Variants in NRG3 observed in about 807,000 individuals in gnomAD.
NRG3 encodes the protein neuregulin 3, also known as pro-neuregulin-3, membrane-bound isoform.
Under a neutral mutation model 66.9 loss-of-function variants are expected in NRG3, and 31 were observed. That is an observed-to-expected ratio of 0.46 (90% CI 0.35 to 0.63). The LOEUF (loss-of-function observed/expected upper bound fraction) is 0.63. Ranked by LOEUF, NRG3 falls within the 20% of genes least tolerant of loss-of-function variation. NRG3 has a pLI of 0.00. For synonymous variants in NRG3, 393 were observed against 359.4 expected, an observed-to-expected ratio of 1.09 and a Z score of -1.06; for missense variants, 910 against 878.9, an observed-to-expected ratio of 1.04 and a Z score of -0.45.
chr10:82,105,711 AT>A (rs1564567672), intron 1 of NRG3, among the ~76,000 whole-genome samples: 1 of 152,178 alleles, frequency 6.6e-6, no homozygotes, highest in Non-Finnish European at 1.5e-5. Flanking sequence ...TAATCTTACA[AT>A]TTGAGATATT....
chr10:82,606,220 G>C (rs2047952004), intron 2 of NRG3, among the ~76,000 whole-genome samples: 1 of 152,066 alleles, frequency 6.6e-6, no homozygotes, highest in African/African-American at 2.4e-5. Flanking sequence ...ATTTTGATAA[G>C]GTGAATTTTT....
chr10:82,458,302 G>A (rs1473373119), intron 2 of NRG3, among the ~76,000 whole-genome samples: 1 of 152,192 alleles, frequency 6.6e-6, no homozygotes, highest in Admixed American at 6.5e-5. Flanking sequence ...TCTAAGAAGA[G>A]TGTTTCCCTC....
At chr10:82,022,756 A>G (rs1227885096) in intron 1 of NRG3, among the ~76,000 whole-genome samples, 1 of 152,090 alleles carries the variant, frequency 6.6e-6, no homozygotes, top group East Asian at 1.9e-4. Context: ...CATTTGCAAC[A>G]TGCTGTAAGT....
At chr10:82,782,891 C>A (rs1337535774) in intron 3 of NRG3, among the ~76,000 whole-genome samples, 1 of 152,100 alleles carries the variant, frequency 6.6e-6, no homozygotes, top group Non-Finnish European at 1.5e-5. Context: ...CAAAGACGGG[C>A]AGAGACAAAA....
At chr10:82,323,584 T>C (rs1373727695) in intron 1 of NRG3, among the ~76,000 whole-genome samples, 1 of 151,902 alleles carries the variant, frequency 6.6e-6, no homozygotes, top group East Asian at 1.9e-4. Flanking sequence ...ATTCTTGTAG[T>C]GTCTTTGGTT....
intron 2 of NRG3, among the ~76,000 whole-genome samples, chr10:82,569,335 G>A (rs665994): frequency 0.085 from 12,851 of 151,794 alleles, 627 homozygotes; most frequent in East Asian, 0.15. Flanking sequence ...CTAACTAGCA[G>A]TATTACCTAG....
At chr10:82,083,267 A>T (rs1259765884) in intron 1 of NRG3, among the ~76,000 whole-genome samples, 1 of 151,930 alleles carries the variant, frequency 6.6e-6, no homozygotes, top group African/African-American at 2.4e-5. Flanking sequence ...TATTTATGAT[A>T]TAAATATATT....
intron 2 of NRG3, among the ~76,000 whole-genome samples, chr10:82,704,621 G>T (rs140914754): frequency 6.6e-6 from 1 of 152,036 alleles, no homozygotes; most frequent in East Asian, 1.9e-4. Context: ...TGACACTCCC[G>T]GTATTATTTA....
At chr10:82,745,878 G>A (rs1489127059) in intron 3 of NRG3, among the ~76,000 whole-genome samples, 3 of 152,038 alleles carry the variant, frequency 2.0e-5, no homozygotes, top group Admixed American at 2.0e-4. Context: ...GCATACATAT[G>A]TATTCATTTT....
At chr10:82,034,576 G>A (rs921868961) in intron 1 of NRG3, among the ~76,000 whole-genome samples, 9 of 152,056 alleles carry the variant, frequency 5.9e-5, no homozygotes, top group Admixed American at 4.6e-4. Context: ...TAGAGCTGAG[G>A]TGAGGGTAAG....
intron 3 of NRG3, among the ~76,000 whole-genome samples, chr10:82,811,867 A>C (rs1466312352): frequency 2.6e-5 from 4 of 152,188 alleles, no homozygotes; most frequent in Non-Finnish European, 5.9e-5. Context: ...GTCTTAATCC[A>C]TACTTCAGGG....
intron 1 of NRG3, chr10:82,232,410 C>G (rs565488962): frequency 5.3e-6 from 1 of 189,974 alleles, no homozygotes; most frequent in East Asian, 1.4e-4. Context: ...AAGAATATGA[C>G]AAAATCCTGT....
chr10:82,873,175 A>G (rs1841499833), intron 4 of NRG3, among the ~76,000 whole-genome samples: 1 of 152,138 alleles, frequency 6.6e-6, no homozygotes, highest in Non-Finnish European at 1.5e-5. Context: ...GCAAATACTG[A>G]TCTGCAATAC....
intron 1 of NRG3, among the ~76,000 whole-genome samples, chr10:82,076,962 T>C (rs1180335629): frequency 2.0e-5 from 3 of 152,256 alleles, no homozygotes; most frequent in African/African-American, 4.8e-5. Flanking sequence ...AAAAGGCATG[T>C]TGATACTGGA....
chr10:82,910,693 C>T (rs1425803621), intron 4 of NRG3, among the ~76,000 whole-genome samples: 3 of 152,224 alleles, frequency 2.0e-5, no homozygotes, highest in Non-Finnish European at 4.4e-5. Context: ...ATGTTTATGT[C>T]ATGTACTTTC....
chr10:82,277,505 T>C (rs2078913089), intron 1 of NRG3, among the ~76,000 whole-genome samples: 1 of 152,120 alleles, frequency 6.6e-6, no homozygotes, highest in East Asian at 1.9e-4. Flanking sequence ...GGGGGATAGA[T>C]AATAATAATC....
At chr10:82,647,367 G>A (rs1259340438) in intron 2 of NRG3, among the ~76,000 whole-genome samples, 1 of 152,132 alleles carries the variant, frequency 6.6e-6, no homozygotes, top group Non-Finnish European at 1.5e-5. Context: ...GTATTCCATG[G>A]TGTATATGTG....
At position 82,368,561 on chromosome 10, in the gene NRG3, G is replaced by T. The variant is rs530100235; in HGVS notation, c.953+9693G>T. ...ACCACCTACAGTTTAGGCCATTCCTGCTGTTGACCCTTCAGATGTGTCCCC... is the reference window on the plus strand; with the variant it reads ...ACCACCTACAGTTTAGGCCATTCCTTCTGTTGACCCTTCAGATGTGTCCCC... On this transcript the variant is annotated intron_variant, in intron 2 of 8. Transcript: ENST00000372141. Among the ~76,000 whole-genome samples, 24 of 137,714 alleles carry T rather than the reference G, an allele frequency of 1.7e-4. 1 individual carries two copies. Among genetic ancestry groups the T allele is most frequent in the Admixed American group, 1.5e-3 (22 of 14,632 alleles). 90.3% of individuals were successfully genotyped at this position (137,714 alleles called of 152,430 possible). A position where few individuals can be genotyped will look rare whatever the true frequency, so the allele number is the denominator to read the frequency against.
intron 1 of NRG3, among the ~76,000 whole-genome samples, chr10:81,957,151 A>C (rs1236740989): frequency 1.3e-5 from 2 of 152,140 alleles, no homozygotes; most frequent in Non-Finnish European, 2.9e-5. Context: ...AGGTGATGGC[A>C]AAACTTGAAG....
Sources: gnomAD v4.1 joint callset for allele counts (sites outside exome capture counted in the v4.1 genomes callset) on GRCh38, gnomAD v4.1.1 for gene constraint, MANE v1.5 for transcripts, NCBI Gene and HGNC (gene_info 2026-07-23, HGNC 2026-07-21) for gene names.